NHLRC3: variants seen among roughly 807,000 people sequenced by gnomAD.
NHLRC3 encodes the protein NHL repeat-containing protein 3.
NHLRC3 carries 23 observed loss-of-function variants against 32.0 expected under a neutral mutation model. The ratio of observed to expected loss-of-function variants is 0.72; its 90% CI spans 0.52 to 1.02. The LOEUF is 1.02. NHLRC3 is among the 50% of genes least tolerant of loss of function. The probability of loss-of-function intolerance (pLI) is 0.00; values close to 1 mark genes in which losing one functional copy is unlikely to be tolerated. For missense variants in NHLRC3, 407 were observed against 406.8 expected (o/e 1.00, Z -0.01); for synonymous variants, 159 against 147.9 (o/e 1.08, Z -0.55).
Position 39,043,573 on chromosome 13 carries a change from T to C in NHLRC3, c.587-517T>C, listed in dbSNP as rs540107857. Among the ~76,000 whole-genome samples, 72 of 152,310 alleles carry C rather than the reference T, an allele frequency of 4.7e-4. 1 individual carries two copies. Among genetic ancestry groups the C allele is most frequent in the African/African-American group, 1.7e-3 (69 of 41,570 alleles). ...TTTAGGGCCCACCCTAAATCCAGGA[T>C]GATCTCATGAGATCCCTAATTTAAT... On this transcript the variant is annotated intron_variant, in intron 4 of 6. Coordinates refer to ENST00000379600, the MANE Select transcript of NHLRC3 (RefSeq NM_001012754.4).
Position 39,039,146 on chromosome 13 carries a change from A to G in NHLRC3, c.95A>G (p.Asn32Ser), listed in dbSNP as rs753770711. 49 of 1,612,710 alleles carry G rather than the reference A, an allele frequency of 3.0e-5. No individual in the cohort carries two copies. The highest frequency in any genetic ancestry group is 3.4e-6 in the Non-Finnish European group (4 of 1,179,454). ...CTGATTTTGTTTAAGGTTTTGAGGA[A>G]CTTTACTTTTGCAGTTTCCTGGAGA... ...SRFCGSPVLR[N>S]FTFAVSWRTE... Residue 32 changes from asparagine to serine, a missense_variant, in exon 2 of 7, where the codon AAC (asparagine) becomes AGC (serine). By Grantham distance (46) the Asn-to-Ser change is conservative. Coordinates refer to ENST00000379600, the MANE Select transcript of NHLRC3 (RefSeq NM_001012754.4).
intron 5 of NHLRC3, 21 bp from the exon 6 acceptor site, chr13:39,047,019 A>T (rs771503336): frequency 4.9e-6 from 7 of 1,425,328 alleles, no homozygotes; most frequent in African/African-American, 1.4e-5. Context: ...TTTTCAATTG[A>T]CATTTTTGTG....
chr13:39,038,532 G>A lies in NHLRC3; in HGVS notation c.-108G>A. ...AGGGGAAACCGGAGATAGGGTCTTCGGGCCCCGGGCAGACCCTCTGTGCCG... is the reference window on the plus strand; with the variant it reads ...AGGGGAAACCGGAGATAGGGTCTTCAGGCCCCGGGCAGACCCTCTGTGCCG... On this transcript the variant is annotated 5_prime_UTR_variant, in exon 1 of 7. Coordinates refer to ENST00000379600, the MANE Select transcript of NHLRC3 (RefSeq NM_001012754.4). 2 of 897,158 alleles carry A rather than the reference G, an allele frequency of 2.2e-6. No individual in the cohort carries two copies. The highest frequency in any genetic ancestry group is 3.7e-6 in the Non-Finnish European group (2 of 537,436). The allele number at this position is 897,158 out of a possible 1,614,324, so 55.6% of individuals were successfully genotyped here.
In NHLRC3 at chr13:39,047,069, A is replaced by G; in HGVS notation, c.708A>G (p.Arg236=). ...RVWVADRGNK[R]IQVFDKDTGE... ...GGGTTGCTGACCGAGGAAATAAAAG[A>G]ATCCAAGTATTTGATAAAGACACTG... Residue 236 remains arginine (R), a synonymous_variant, in exon 6 of 7, where the codon AGA becomes AGG. Coordinates refer to ENST00000379600, the MANE Select transcript of NHLRC3 (RefSeq NM_001012754.4). The G allele has an allele frequency of 5.0e-6, 8 of 1,613,000 alleles. No individual in the cohort carries two copies. The highest frequency in any genetic ancestry group is 6.8e-6 in the Non-Finnish European group (8 of 1,179,260).
At chr13:39,041,615 C>G (rs1871468812) in intron 3 of NHLRC3, 1 of 152,210 alleles carries the variant, frequency 6.6e-6, no homozygotes, top group Non-Finnish European at 1.5e-5. Flanking sequence ...AATGTCTCCA[C>G]AAGGTGAAAA....
chr13:39,042,147 A>C lies in NHLRC3; in HGVS notation c.428A>C (p.Asp143Ala). Residue 143 changes from aspartate to alanine, a missense_variant, in exon 4 of 7, where the codon GAT becomes GCT. Asp to Ala is a moderately radical substitution (Grantham distance 126, BLOSUM62 -2). Coordinates refer to ENST00000379600, the MANE Select transcript of NHLRC3 (RefSeq NM_001012754.4). ...HTVKKYSSFG[D>A]LVQVLGTPGK... ...GTTAAAAAATACAGTTCTTTTGGTG[A>C]TCTTGTTCAAGTCTTGGGTACTCCA... is the stretch of plus-strand genomic sequence containing the variant. 1 of 1,611,748 alleles carries C rather than the reference A, an allele frequency of 6.2e-7. No homozygotes were observed.
chr13:39,044,923 T>G (rs1167336422), intron 5 of NHLRC3, among the ~76,000 whole-genome samples: 1 of 152,212 alleles, frequency 6.6e-6, no homozygotes. Flanking sequence ...TTTGTCTGTC[T>G]CCCCTAATAG....
upstream of NHLRC3, chr13:39,038,392 C>T (rs1871283038): frequency 3.6e-6 from 2 of 553,226 alleles, no homozygotes; most frequent in Non-Finnish European, 6.5e-6. Context: ...GCCCGAAGCA[C>T]CTGACATGAG....
intron 5 of NHLRC3, 59 bp downstream of exon 5, chr13:39,044,240 T>TGTGTGG: frequency 1.1e-6 from 1 of 878,680 alleles, no homozygotes; most frequent in Non-Finnish European, 1.9e-6. Context: ...TGTGTGTGTG[T>TGTGTGG]GTGTGTGTGT....
At position 39,038,535 on chromosome 13, in the gene NHLRC3, C is replaced by A; in HGVS notation, c.-105C>A. 1.1e-6 allele frequency: 1 copy of A among 927,122 alleles called. No individual in the cohort carries two copies. Among genetic ancestry groups the A allele is most frequent in the Non-Finnish European group, 1.8e-6 (1 of 561,880 alleles). The allele number at this position is 927,122 out of a possible 1,614,324, so 57.4% of individuals were successfully genotyped here. Reference sequence around the variant, plus strand: ...GGAAACCGGAGATAGGGTCTTCGGGCCCCGGGCAGACCCTCTGTGCCGCTG... The same window carrying A: ...GGAAACCGGAGATAGGGTCTTCGGGACCCGGGCAGACCCTCTGTGCCGCTG... On this transcript the variant is annotated 5_prime_UTR_variant, in exon 1 of 7. Transcript: ENST00000379600.
rs369797933 is a variant in NHLRC3, at chr13:39,046,325, TAAAA to T, written c.679-710_679-707del. On this transcript the variant is annotated intron_variant, in intron 5 of 6. Coordinates refer to ENST00000379600, the MANE Select transcript of NHLRC3 (RefSeq NM_001012754.4). ...CAGAGCGAGACTCCATCTCAAAAAA[TAAAA>T]AAAACCATTTCCCTTTATGCTTTAA... Among the ~76,000 whole-genome samples, 86 of 151,338 alleles carry T rather than the reference TAAAA, an allele frequency of 5.7e-4. 1 individual carries two copies. In the East Asian group the frequency reaches 9.3e-3, roughly 16 times the overall value.
Position 39,047,998 on chromosome 13 carries a change from C to A in NHLRC3, c.*72C>A. 1 of 1,220,014 alleles carries A rather than the reference C, an allele frequency of 8.2e-7. No homozygotes were observed. The highest frequency in any genetic ancestry group is 1.2e-6 in the Non-Finnish European group (1 of 866,136). 75.6% of individuals were successfully genotyped at this position (1,220,014 alleles called of 1,614,324 possible). A position where few individuals can be genotyped will look rare whatever the true frequency, so the allele number is the denominator to read the frequency against. On this transcript the variant is annotated 3_prime_UTR_variant, in exon 7 of 7. Coordinates refer to ENST00000379600, the MANE Select transcript of NHLRC3 (RefSeq NM_001012754.4). ...TCACTAAGTGCTTAAAAATGATGTT[C>A]AAGCACAAGAATTTATTTTTCTAGT...
At chr13:39,040,328 G>A (rs1220344882) in intron 3 of NHLRC3, 4 of 152,158 alleles carry the variant, frequency 2.6e-5, no homozygotes, top group African/African-American at 4.8e-5. Flanking sequence ...GCCAAATAAA[G>A]TGGCAGTCTC....
chr13:39,048,898 T>G lies in NHLRC3; in HGVS notation c.*972T>G, dbSNP rs1007185315. On this transcript the variant is annotated 3_prime_UTR_variant, in exon 7 of 7. Coordinates refer to ENST00000379600, the MANE Select transcript of NHLRC3 (RefSeq NM_001012754.4). ...GAACTCAACTTATTCCTAACATTTGTCTACCTCAAAGAAATTTCAAGATTA... is the reference window on the plus strand; with the variant it reads ...GAACTCAACTTATTCCTAACATTTGGCTACCTCAAAGAAATTTCAAGATTA... The G allele has an allele frequency of 6.6e-6, 1 of 152,610 alleles. No individual in the cohort carries two copies. The highest frequency in any genetic ancestry group is 1.5e-5 in the Non-Finnish European group (1 of 68,038). The allele number at this position is 152,610 out of a possible 1,614,324, so 9.5% of individuals were successfully genotyped here.
In NHLRC3 at chr13:39,046,099, G is replaced by A. The variant is rs1213522219; in HGVS notation, c.679-941G>A. Among the ~76,000 whole-genome samples the A allele has an allele frequency of 2.0e-5, 3 of 152,152 alleles. No individual in the cohort carries two copies. The East Asian group carries it at 5.8e-4, about 29-fold the overall frequency. ...AATCCCAGCACTTTGGGAGGCCAAG[G>A]TGGGCAGATCACGAGGTCAGGAGAT... On this transcript the variant is annotated intron_variant, in intron 5 of 6. Transcript: ENST00000379600.
chr13:39,047,117 T>G lies in NHLRC3; in HGVS notation c.756T>G (p.Asn252Lys), dbSNP rs534820683. The G allele has an allele frequency of 6.2e-7, 1 of 1,610,470 alleles. No homozygotes were observed. Among genetic ancestry groups the G allele is most frequent in the East Asian group, 2.2e-5 (1 of 44,836 alleles). The change falls in exon 6 of 7, where the codon AAT becomes AAG. Residue 252 changes from asparagine to lysine, a missense_variant. Transcript: ENST00000379600. ...KDTGEWLGAW[N>K]NCFTEEGPSS... Reference sequence around the variant, plus strand: ...CTGGGGAGTGGTTAGGAGCATGGAATAATTGTTTCACAGAAGAGGGACCTT... The same window carrying G: ...CTGGGGAGTGGTTAGGAGCATGGAAGAATTGTTTCACAGAAGAGGGACCTT...
At chr13:39,045,851 A>G (rs1486263165) in intron 5 of NHLRC3, among the ~76,000 whole-genome samples, 7 of 152,194 alleles carry the variant, frequency 4.6e-5, no homozygotes, top group Non-Finnish European at 7.3e-5. Context: ...GATTAATTCA[A>G]TGGCTACCAA....
Position 39,047,746 on chromosome 13 carries a change from C to A in NHLRC3, c.864C>A (p.Pro288=). 1 of 1,614,056 alleles carries A rather than the reference C, an allele frequency of 6.2e-7. No homozygotes were observed. The highest frequency in any genetic ancestry group is 8.5e-7 in the Non-Finnish European group (1 of 1,179,960). ...GCAGGCTCTCAGTCGTAGCAGCACC[C>A]CCAGTGGGAAGCATTGGGGAGTGTT... ...NLSRLSVVAA[P]PVGSIGECSV... is the part of the protein sequence containing the mutation. Residue 288 remains proline, a synonymous_variant, in exon 7 of 7, where the codon CCC becomes CCA. Coordinates refer to ENST00000379600, the MANE Select transcript of NHLRC3 (RefSeq NM_001012754.4).
rs1271920168 is a variant in NHLRC3 at position 39,039,280 on chromosome 13, A to G, written c.229A>G (p.Ile77Val). 2.5e-6 allele frequency: 4 copies of G among 1,612,486 alleles called. No homozygotes were observed. The highest frequency in any genetic ancestry group is 1.3e-5 in the African/African-American group (1 of 74,886). The stretch of plus-strand genomic sequence containing the variant: ...TGACTCCCTCAATGGATTGGTTTAC[A>G]TAGGTCAAGTAAGTAAATAGAGATT... ...AVDSLNGLVY[I>V]GQRGDNIPKI... The change falls in exon 2 of 7, where the codon ATA becomes GTA. Residue 77 changes from isoleucine to valine, a missense_variant. Transcript: ENST00000379600.
Sources: gnomAD v4.1 joint callset for allele counts (sites outside exome capture counted in the v4.1 genomes callset) on GRCh38, gnomAD v4.1.1 for gene constraint, MANE v1.5 for transcripts, NCBI Gene and HGNC (gene_info 2026-07-23, HGNC 2026-07-21) for gene names.